Variants in NEK1 observed in about 807,000 individuals in gnomAD.
NEK1 encodes serine/threonine-protein kinase Nek1.
In NEK1, 137 loss-of-function variants were observed where a neutral mutation model predicts 182.1. That is an observed-to-expected ratio of 0.75 (90% CI 0.65 to 0.87). NEK1 has a LOEUF of 0.87. Among genes scored for constraint, NEK1 ranks in the 40% least tolerant of loss-of-function variants. The pLI, the probability that NEK1 is intolerant of heterozygous loss-of-function variation, is 0.00. For synonymous variants in NEK1, 513 were observed against 492.2 expected (o/e 1.04, Z -0.56); for missense variants, 1,391 against 1,494.4 (o/e 0.93, Z 1.14).
At chr4:169,589,260 T>C (rs959576614) in intron 7 of NEK1, among the ~76,000 whole-genome samples, 187 bp downstream of exon 7, 2 of 152,178 alleles carry the variant, frequency 1.3e-5, no homozygotes, top group Admixed American at 6.5e-5. Flanking sequence ...TTTGTATAAG[T>C]ACACTCTATA....
At chr4:169,480,986 T>G (rs1373331102) in intron 23 of NEK1, among the ~76,000 whole-genome samples, 1 of 152,232 alleles carries the variant, frequency 6.6e-6, no homozygotes, top group Non-Finnish European at 1.5e-5. Context: ...CTTTATCGAC[T>G]AAGTTTACAA....
chr4:169,412,188 AGAGT>A (rs1401163101), intron 31 of NEK1, among the ~76,000 whole-genome samples: 9 of 152,212 alleles, frequency 5.9e-5, no homozygotes, highest in African/African-American at 2.2e-4. Flanking sequence ...AGCTTGACTC[AGAGT>A]GAGAATTTGT....
chr4:169,556,768 T>C (rs777547549), intron 16 of NEK1, among the ~76,000 whole-genome samples: 1 of 148,834 alleles, frequency 6.7e-6, no homozygotes, highest in Non-Finnish European at 1.5e-5. Context: ...AACAGTAAAA[T>C]CCTTATTTAG....
intron 23 of NEK1, among the ~76,000 whole-genome samples, chr4:169,493,343 A>G (rs1341728799): frequency 1.3e-5 from 2 of 152,242 alleles, no homozygotes; most frequent in Admixed American, 1.3e-4. Flanking sequence ...GCTCACTCAG[A>G]TGAGAAGGAA....
At chr4:169,399,425 A>G (rs2110992415) in intron 35 of NEK1, among the ~76,000 whole-genome samples, 1 of 151,906 alleles carries the variant, frequency 6.6e-6, no homozygotes, top group South Asian at 2.1e-4. Flanking sequence ...AAAAATACAA[A>G]AAGTAGTCAG....
chr4:169,529,338 A>G (rs1462202477), intron 19 of NEK1, among the ~76,000 whole-genome samples: 1 of 152,166 alleles, frequency 6.6e-6, no homozygotes, highest in Non-Finnish European at 1.5e-5. Context: ...GGAAGACAAC[A>G]TTGTGAATGT....
In NEK1 at chr4:169,427,823, A is replaced by T. The variant is rs544159272; in HGVS notation, c.2886-1589T>A. Among the ~76,000 whole-genome samples, 544 of 148,996 alleles carry T rather than the reference A, an allele frequency of 3.7e-3. 2 individuals carry two copies. The highest frequency in any genetic ancestry group is 0.029 in the Middle Eastern group (8 of 278). ...TGTTTTTTATTTTTTAAGCTTATAT[A>T]TATATTTATTTTAAGAGACAGGGTC... is the stretch of plus-strand genomic sequence containing the variant. On this transcript the variant is annotated intron_variant, in intron 29 of 35. Transcript: ENST00000507142.
At chr4:169,395,158 C>G (rs1285965805) in intron 35 of NEK1, among the ~76,000 whole-genome samples, 1 of 152,058 alleles carries the variant, frequency 6.6e-6, no homozygotes, top group Non-Finnish European at 1.5e-5. Flanking sequence ...GACTGGTTAA[C>G]TTAATCTTAT....
chr4:169,597,659 G>A (rs1769753116), intron 5 of NEK1, among the ~76,000 whole-genome samples: 1 of 151,920 alleles, frequency 6.6e-6, no homozygotes, highest in South Asian at 2.1e-4. Context: ...TCCCAGCCAG[G>A]CGCGGTGGCT....
chr4:169,599,444 G>A (rs1770106426), intron 4 of NEK1, among the ~76,000 whole-genome samples: 1 of 152,096 alleles, frequency 6.6e-6, no homozygotes, highest in Admixed American at 6.5e-5. Context: ...AGTGCTGTTT[G>A]CATTGACCTA....
At chr4:169,581,240 T>C (rs1766606108) in intron 10 of NEK1, among the ~76,000 whole-genome samples, 2 of 151,900 alleles carry the variant, frequency 1.3e-5, no homozygotes, top group African/African-American at 2.4e-5. Flanking sequence ...TCATGCTTAC[T>C]CCCTCCCAAT....
chr4:169,476,806 T>C (rs959599247), intron 26 of NEK1, among the ~76,000 whole-genome samples: 2 of 152,096 alleles, frequency 1.3e-5, no homozygotes, highest in African/African-American at 4.8e-5. Context: ...GAATTATTCA[T>C]AGTAACAGAT....
Position 169,394,411 on chromosome 4 carries a change from T to G in NEK1, c.*99A>C. ...AAAGTCCATCTTAAATCTGATTTTT[T>G]AAATAAATAATTGCTGTATTTCCCA... On this transcript the variant is annotated 3_prime_UTR_variant, in exon 36 of 36. Transcript: ENST00000507142. 1.4e-6 allele frequency: 1 copy of G among 736,684 alleles called. No homozygotes were observed. Among genetic ancestry groups the G allele is most frequent in the Admixed American group, 3.0e-5 (1 of 33,710 alleles). The allele number at this position is 736,684 out of a possible 1,614,324, so 45.6% of individuals were successfully genotyped here. A position where few individuals can be genotyped will look rare whatever the true frequency, so the allele number is the denominator to read the frequency against.
chr4:169,569,942 C>A (rs1384233903), intron 12 of NEK1, among the ~76,000 whole-genome samples: 1 of 152,010 alleles, frequency 6.6e-6, no homozygotes, highest in African/African-American at 2.4e-5. Context: ...AGCGTCTCTG[C>A]CTGGCCGCCC....
chr4:169,456,145 ATTGAAAAAAATT>A (rs1742840711), intron 27 of NEK1, among the ~76,000 whole-genome samples: 1 of 152,196 alleles, frequency 6.6e-6, no homozygotes, highest in Admixed American at 6.5e-5. Context: ...TAAGAAGGAA[ATTGAAAAAAATT>A]TTGAAACAAA....
At position 169,466,882 on chromosome 4, in the gene NEK1, G is replaced by T. The variant is rs150691103; in HGVS notation, c.2435-3487C>A. 8.3e-3 allele frequency among the ~76,000 whole-genome samples: 1,261 copies of T among 152,022 alleles called. 15 individuals carry two copies. Among genetic ancestry groups the T allele is most frequent in the African/African-American group, 0.029 (1,192 of 41,492 alleles). The stretch of plus-strand genomic sequence containing the variant: ...AGCATAAAAAAAAAATAGCACCAAA[G>T]GTTGGGAGGGAACAAATGTAAGTAC... On this transcript the variant is annotated intron_variant, in intron 26 of 35. Transcript: ENST00000507142.
At chr4:169,602,242 T>C (rs1241120974) in intron 3 of NEK1, 138 bp from the exon 4 acceptor site, 14 of 672,176 alleles carry the variant, frequency 2.1e-5, no homozygotes, top group Non-Finnish European at 3.4e-5. Flanking sequence ...TTAAAAAGAA[T>C]GAGTTGAATC....
chr4:169,573,021 T>C (rs994653243), intron 12 of NEK1, among the ~76,000 whole-genome samples: 1 of 152,160 alleles, frequency 6.6e-6, no homozygotes, highest in Non-Finnish European at 1.5e-5. Context: ...TTAAAAAGAC[T>C]TAAGATATAG....
Position 169,393,022 on chromosome 4 carries a change from T to C in NEK1, c.*1488A>G, listed in dbSNP as rs1008311976. On this transcript the variant is annotated 3_prime_UTR_variant, in exon 36 of 36. Coordinates refer to ENST00000507142, the MANE Select transcript of NEK1 (RefSeq NM_001199397.3). ...CACATATATAACATCTTTTGAAATA[T>C]GGCTAAAACAATTTTTTTCTACCAT... 2 of 152,216 alleles carry C rather than the reference T, an allele frequency of 1.3e-5. No homozygotes were observed. The highest frequency in any genetic ancestry group is 2.4e-5 in the African/African-American group (1 of 41,452). The allele number at this position is 152,216 out of a possible 1,614,324, so 9.4% of individuals were successfully genotyped here.
Sources: allele counts gnomAD v4.1 joint callset (sites outside exome capture counted in the v4.1 genomes callset), GRCh38; gene constraint gnomAD v4.1.1; transcripts MANE v1.5; gene names NCBI Gene and HGNC (gene_info 2026-07-23, HGNC 2026-07-21).